Variants in PHACTR2 observed in about 807,000 individuals in gnomAD.
The protein encoded by PHACTR2 is phosphatase and actin regulator 2.
PHACTR2 carries 30 observed loss-of-function variants against 76.0 expected under a neutral mutation model. The observed-to-expected ratio is 0.39, with a 90% CI of 0.30 to 0.54. The LOEUF is 0.54. Among genes scored for constraint, PHACTR2 ranks in the 20% least tolerant of loss-of-function variants. The pLI is 0.61. For missense variants in PHACTR2, 696 were observed against 781.1 expected, an observed-to-expected ratio of 0.89 and a Z score of 1.30; for synonymous variants, 292 against 292.5, an observed-to-expected ratio of 1.00 and a Z score of 0.02.
At position 143,738,927 on chromosome 6, in the gene PHACTR2, G is replaced by C. The variant is rs999649939; in HGVS notation, c.215-10058G>C. Among the ~76,000 whole-genome samples, 2 of 152,154 alleles carry C rather than the reference G, an allele frequency of 1.3e-5. No individual in the cohort carries two copies. The highest frequency in any genetic ancestry group is 4.8e-5 in the African/African-American group (2 of 41,414). On this transcript the variant is annotated intron_variant, in intron 2 of 12. Coordinates refer to ENST00000440869, the MANE Select transcript of PHACTR2 (RefSeq NM_001100164.2). The surrounding 1 kb of genome is among the most constrained non-coding windows in gnomAD (Gnocchi z 4.0). ...AGGTGTTGAGTCCCTGAAATGTGTA[G>C]ATTGAAAGCAGATCATGGAGAAGGG... is the stretch of plus-strand genomic sequence containing the variant.
chr6:143,827,196 A>ATATATG lies in PHACTR2; in HGVS notation c.*3510_*3511insATGTAT, dbSNP rs1337456568. ...TATATATATATATATATATATATAT[A>ATATATG]TATGTATATTATATATACAGTAGCT... On this transcript the variant is annotated 3_prime_UTR_variant, in exon 13 of 13. Coordinates refer to ENST00000440869, the MANE Select transcript of PHACTR2 (RefSeq NM_001100164.2). The ATATATG allele has an allele frequency of 3.4e-4, 41 of 120,168 alleles. No homozygotes were observed. The highest frequency in any genetic ancestry group is 1.1e-3 in the African/African-American group (36 of 33,106). 7.4% of individuals were successfully genotyped at this position (120,168 alleles called of 1,614,324 possible).
In PHACTR2 at chr6:143,816,982, C is replaced by T. The variant is rs1309925218; in HGVS notation, c.1923-6692C>T. On this transcript the variant is annotated intron_variant, in intron 12 of 12. Coordinates refer to ENST00000440869, the MANE Select transcript of PHACTR2 (RefSeq NM_001100164.2). The surrounding 1 kb of genome is among the most constrained non-coding windows in gnomAD (Gnocchi z 4.5). ...TTGGGAGGCTGAGGCAGGAGAATCTCTTGAATCCAGGAGGCAGGGTTTGCA... is the reference window on the plus strand; with the variant it reads ...TTGGGAGGCTGAGGCAGGAGAATCTTTTGAATCCAGGAGGCAGGGTTTGCA... 6.6e-6 allele frequency among the ~76,000 whole-genome samples: 1 copy of T among 152,156 alleles called. No homozygotes were observed. Among genetic ancestry groups the T allele is most frequent in the South Asian group, 2.1e-4 (1 of 4,828 alleles).
chr6:143,660,148 T>C (rs183578574), intron 1 of PHACTR2, among the ~76,000 whole-genome samples: 4 of 152,132 alleles, frequency 2.6e-5, no homozygotes, highest in Admixed American at 2.6e-4. Flanking sequence ...CAATAAATCC[T>C]CAATCTCCTT....
chr6:143,786,647 C>T (rs564621558), intron 10 of PHACTR2, among the ~76,000 whole-genome samples: 1 of 152,312 alleles, frequency 6.6e-6, no homozygotes, highest in Admixed American at 6.5e-5. Flanking sequence ...TTCCACATGG[C>T]TGGGGAGGCC....
intron 2 of PHACTR2, among the ~76,000 whole-genome samples, chr6:143,719,501 C>A (rs910566690): frequency 1.7e-4 from 26 of 150,396 alleles, no homozygotes; most frequent in Non-Finnish European, 2.7e-4. Context: ...AGGCATGCAC[C>A]ACCACACCCA....
At position 143,659,478 on chromosome 6, in the gene PHACTR2, G is replaced by A. The variant is rs1178609517; in HGVS notation, c.13+51156G>A. On this transcript the variant is annotated intron_variant, in intron 1 of 11. Transcript: ENST00000305766. This position sits in a 1 kb window ranked among gnomAD's most constrained non-coding sequence, Gnocchi z 5.0. ...ACCTGGAAGTGCATGTGGTCACTGGGCAGCACGCCATTCCTTGCAGAATGC... is the reference window on the plus strand; with the variant it reads ...ACCTGGAAGTGCATGTGGTCACTGGACAGCACGCCATTCCTTGCAGAATGC... 1.3e-5 allele frequency among the ~76,000 whole-genome samples: 2 copies of A among 152,190 alleles called. No individual in the cohort carries two copies. Among genetic ancestry groups the A allele is most frequent in the Non-Finnish European group, 2.9e-5 (2 of 68,032 alleles).
Position 143,733,011 on chromosome 6 carries a change from T to C in PHACTR2, c.215-15974T>C, listed in dbSNP as rs9399460. On this transcript the variant is annotated intron_variant, in intron 2 of 12. Coordinates refer to ENST00000440869, the MANE Select transcript of PHACTR2 (RefSeq NM_001100164.2). The surrounding 1 kb of genome is among the most constrained non-coding windows in gnomAD (Gnocchi z 4.0). Reference sequence around the variant, plus strand: ...TCAAAGCAATCCTCCTGCCTCAGCCTCCCAAGTTGCTAGGACCAAAGGCAT... The same window carrying C: ...TCAAAGCAATCCTCCTGCCTCAGCCCCCCAAGTTGCTAGGACCAAAGGCAT... Among the ~76,000 whole-genome samples the C allele has an allele frequency of 0.3, 45,765 of 151,976 alleles. 7,978 individuals carry two copies. The highest frequency in any genetic ancestry group is 0.4 in the South Asian group (1,934 of 4,798).
In PHACTR2 at chr6:143,618,200, C is replaced by T. The variant is rs1383376859; in HGVS notation, c.13+9878C>T. 6.6e-6 allele frequency among the ~76,000 whole-genome samples: 1 copy of T among 151,710 alleles called. No homozygotes were observed. The highest frequency in any genetic ancestry group is 1.5e-5 in the Non-Finnish European group (1 of 67,956). ...TATCCATGTGACTTACCACAGGCGCCCTGCTTTTTAGTGATAGAGAAATAG... is the reference window on the plus strand; with the variant it reads ...TATCCATGTGACTTACCACAGGCGCTCTGCTTTTTAGTGATAGAGAAATAG... On this transcript the variant is annotated intron_variant, in intron 1 of 11. Coordinates refer to the PHACTR2 transcript ENST00000305766. The surrounding 1 kb of genome is among the most constrained non-coding windows in gnomAD (Gnocchi z 5.2).
chr6:143,721,023 G>C (rs111782942), intron 2 of PHACTR2, among the ~76,000 whole-genome samples: 7 of 152,158 alleles, frequency 4.6e-5, no homozygotes, highest in African/African-American at 9.7e-5. Flanking sequence ...TATAATATAA[G>C]CATTTTGTTA....
Position 143,780,765 on chromosome 6 carries a change from A to G in PHACTR2, c.1646-2454A>G, listed in dbSNP as rs1775410038. Among the ~76,000 whole-genome samples, 1 of 152,138 alleles carries G rather than the reference A, an allele frequency of 6.6e-6. No individual in the cohort carries two copies. Among genetic ancestry groups the G allele is most frequent in the African/African-American group, 2.4e-5 (1 of 41,404 alleles). Reference sequence around the variant, plus strand: ...GTTCGCCCCTCTCTGCTCTGATGAGAGTCACTGAGAGCAAGATTTGTCAAT... The same window carrying G: ...GTTCGCCCCTCTCTGCTCTGATGAGGGTCACTGAGAGCAAGATTTGTCAAT... On this transcript the variant is annotated intron_variant, in intron 9 of 12. Transcript: ENST00000440869. This position sits in a 1 kb window ranked among gnomAD's most constrained non-coding sequence, Gnocchi z 4.4.
At chr6:143,702,922 G>A (rs1198954294) in intron 1 of PHACTR2, among the ~76,000 whole-genome samples, 3 of 150,748 alleles carry the variant, frequency 2.0e-5, no homozygotes, top group Non-Finnish European at 3.0e-5. Context: ...AACCAAGTAA[G>A]GGAAAAAAGT....
chr6:143,729,937 G>A (rs1424924766), intron 2 of PHACTR2, among the ~76,000 whole-genome samples: 1 of 130,698 alleles, frequency 7.7e-6, no homozygotes, highest in Non-Finnish European at 1.6e-5. Context: ...TTGTTGAAAC[G>A]ACTATTACCT....
intron 10 of PHACTR2, among the ~76,000 whole-genome samples, chr6:143,786,599 T>G (rs1332959140): frequency 1.3e-5 from 2 of 152,150 alleles, no homozygotes; most frequent in African/African-American, 4.8e-5. Context: ...AGGCATACCC[T>G]AGACTGGGAA....
intron 4 of PHACTR2, among the ~76,000 whole-genome samples, chr6:143,759,654 A>C (rs1346485649): frequency 6.6e-6 from 1 of 151,410 alleles, no homozygotes; most frequent in African/African-American, 2.4e-5. Flanking sequence ...TTTTTTTTTA[A>C]GATTTTCTTT....
In PHACTR2 at chr6:143,678,216, C is replaced by G. The variant is rs532095370; in HGVS notation, c.46+7C>G. The G allele has an allele frequency of 2.0e-6, 3 of 1,503,032 alleles. No individual in the cohort carries two copies. The highest frequency in any genetic ancestry group is 2.8e-5 in the East Asian group (1 of 35,456). 93.1% of individuals were successfully genotyped at this position (1,503,032 alleles called of 1,614,324 possible). On this transcript the variant is annotated splice_region_variant and intron_variant, in intron 1 of 12. Transcript: ENST00000440869. This position sits in a 1 kb window ranked among gnomAD's most constrained non-coding sequence, Gnocchi z 6.2. ...TCCCCGCAGCCCGGCAGCGGTGAGT[C>G]CGGGGCGCACGCGATGCGCTCCCGC...
rs536972390 is a variant in PHACTR2, at chr6:143,699,939, C to T, written c.47-12077C>T. ...CTTCTCCATGGGATGGATCTCCCAGCATCCTGTTTTCCATAGTACATGCCT... is the reference window on the plus strand; with the variant it reads ...CTTCTCCATGGGATGGATCTCCCAGTATCCTGTTTTCCATAGTACATGCCT... On this transcript the variant is annotated intron_variant, in intron 1 of 12. Transcript: ENST00000440869. 3.3e-5 allele frequency among the ~76,000 whole-genome samples: 5 copies of T among 152,320 alleles called. No individual in the cohort carries two copies. The South Asian group carries it at 1.0e-3, about 32-fold the overall frequency.
chr6:143,655,465 G>A (rs1330225929), intron 1 of PHACTR2, among the ~76,000 whole-genome samples: 4 of 152,152 alleles, frequency 2.6e-5, no homozygotes, highest in African/African-American at 9.7e-5. Flanking sequence ...TGAATTGTAT[G>A]CTATGTGGAT....
intron 1 of PHACTR2, among the ~76,000 whole-genome samples, chr6:143,615,666 T>G (rs1395077660): frequency 6.6e-6 from 1 of 152,188 alleles, no homozygotes; most frequent in Non-Finnish European, 1.5e-5. Context: ...GTGATAATAT[T>G]AGAGTCATTA....
chr6:143,572,111 A>G (rs1775452553), intron 1 of PHACTR2, among the ~76,000 whole-genome samples: 1 of 152,272 alleles, frequency 6.6e-6, no homozygotes, highest in Non-Finnish European at 1.5e-5. Flanking sequence ...TCTTTTTAGT[A>G]GGTAACTACA....
Sources: allele counts gnomAD v4.1 joint callset (sites outside exome capture counted in the v4.1 genomes callset), GRCh38; gene constraint gnomAD v4.1.1; non-coding constraint Gnocchi (gnomAD v3.1); transcripts MANE v1.5; gene names NCBI Gene and HGNC (gene_info 2026-07-23, HGNC 2026-07-21).